The following TPR variants were observed in gnomAD, a reference collection of about 807,000 sequenced individuals.
TPR encodes nucleoprotein TPR.
TPR carries 51 observed loss-of-function variants against 316.1 expected under a neutral mutation model. The observed-to-expected ratio is 0.16, with a 90% CI of 0.13 to 0.20. The LOEUF (loss-of-function observed/expected upper bound fraction) is 0.20, where lower values mean the gene tolerates loss of function less well. Ranked by LOEUF, TPR falls within the 10% of genes least tolerant of loss-of-function variation. The pLI is 1.00. For missense variants in TPR, 2,272 were observed against 2,754.8 expected, an observed-to-expected ratio of 0.82 and a Z score of 3.92; for synonymous variants, 981 against 914.7, an observed-to-expected ratio of 1.07 and a Z score of -1.31.
At chr1:186,350,938 T>C (rs1553230833) in intron 20 of TPR, among the ~76,000 whole-genome samples, 1 of 152,048 alleles carries the variant, frequency 6.6e-6, no homozygotes, top group Non-Finnish European at 1.5e-5. Flanking sequence ...GCAGCCAGAC[T>C]AAAAAAACCC....
chr1:186,336,377 C>A (rs1472847130), intron 33 of TPR, 119 bp downstream of exon 33: 5 of 885,798 alleles, frequency 5.6e-6, no homozygotes, highest in Non-Finnish European at 8.8e-6. Context: ...TTAAAGCACA[C>A]ATACACACAC....
intron 23 of TPR, 115 bp downstream of exon 23, chr1:186,346,020 C>A: frequency 1.6e-6 from 2 of 1,213,480 alleles, no homozygotes; most frequent in African/African-American, 1.5e-5. Flanking sequence ...TAAAATTTTG[C>A]CTATGTGTTC....
chr1:186,349,077 T>C (rs1038004125), intron 21 of TPR, among the ~76,000 whole-genome samples: 2 of 152,202 alleles, frequency 1.3e-5, no homozygotes, highest in African/African-American at 4.8e-5. Context: ...TGAAAATGCA[T>C]TTAATATACC....
At chr1:186,365,176 A>G (rs2101988172) in intron 4 of TPR, among the ~76,000 whole-genome samples, 1 of 147,404 alleles carries the variant, frequency 6.8e-6, no homozygotes, top group African/African-American at 2.5e-5. Context: ...GCTCACTGCA[A>G]CCTCTGCCTC....
chr1:186,369,584 T>A (rs1441334629), intron 3 of TPR, among the ~76,000 whole-genome samples: 1 of 152,206 alleles, frequency 6.6e-6, no homozygotes, highest in Admixed American at 6.5e-5. Flanking sequence ...TTTTTTAATA[T>A]TGATTTTGTA....
At position 186,363,266 on chromosome 1, in the gene TPR, CTA is replaced by C. The variant is rs1659247527; in HGVS notation, c.531+74_531+75del. Reference sequence around the variant, plus strand: ...ATGCAGCTTTTAATTACTTTATTGCCTATATTTGAAATTTAATTTAGGTGAGT... The same window carrying C: ...ATGCAGCTTTTAATTACTTTATTGCCTATTTGAAATTTAATTTAGGTGAGT... On this transcript the variant is annotated intron_variant, in intron 5 of 50. Transcript: ENST00000367478. 2.4e-6 allele frequency: 3 copies of C among 1,247,360 alleles called. No homozygotes were observed. The African/African-American group carries it at 4.6e-5, about 19-fold the overall frequency. 77.3% of individuals were successfully genotyped at this position (1,247,360 alleles called of 1,614,324 possible).
intron 4 of TPR, 61 bp from the exon 5 acceptor site, chr1:186,363,506 C>A: frequency 8.9e-7 from 1 of 1,119,326 alleles, no homozygotes; most frequent in South Asian, 1.3e-5. Context: ...AACCAAATAT[C>A]AAAAATATAT....
At chr1:186,374,722 C>T (rs1208450274) in intron 1 of TPR, among the ~76,000 whole-genome samples, 156 bp downstream of exon 1, 1 of 152,100 alleles carries the variant, frequency 6.6e-6, no homozygotes, top group Non-Finnish European at 1.5e-5. Context: ...TCTTATCAAA[C>T]TGTAAGGAGC....
rs1658306760 is a variant in TPR at position 186,335,320 on chromosome 1, G to A, written c.4911+18C>T. 2 of 1,609,248 alleles carry A rather than the reference G, an allele frequency of 1.2e-6. No homozygotes were observed. Among genetic ancestry groups the A allele is most frequent in the Middle Eastern group, 1.7e-4 (1 of 6,020 alleles). ...CAAAGAAAAACAATTTGTTACTTAA[G>A]CAGAATTAGCTAATCACCTTATTAG... On this transcript the variant is annotated intron_variant, in intron 34 of 50. Coordinates refer to ENST00000367478, the MANE Select transcript of TPR (RefSeq NM_003292.3).
intron 4 of TPR, among the ~76,000 whole-genome samples, chr1:186,365,007 A>G (rs1659298470): frequency 6.6e-6 from 1 of 152,040 alleles, no homozygotes; most frequent in Non-Finnish European, 1.5e-5. Flanking sequence ...ACACAAGAAG[A>G]AGACCTGGAC....
intron 10 of TPR, 145 bp downstream of exon 10, chr1:186,360,620 A>C (rs543597582): frequency 8.7e-7 from 1 of 1,144,768 alleles, no homozygotes; most frequent in Admixed American, 2.9e-5. Context: ...AAGAGTATTA[A>C]TTTTAAAACA....
At chr1:186,372,512 A>T (rs986592640) in intron 2 of TPR, among the ~76,000 whole-genome samples, 1 of 152,178 alleles carries the variant, frequency 6.6e-6, no homozygotes, top group African/African-American at 2.4e-5. Context: ...ACTGCATTCC[A>T]GCCTGGGCAA....
rs1432600837 is a variant in TPR, at chr1:186,361,887, A to G, written c.790-18T>C. The G allele has an allele frequency of 6.2e-7, 1 of 1,609,884 alleles. No individual in the cohort carries two copies. The highest frequency in any genetic ancestry group is 8.5e-7 in the Non-Finnish European group (1 of 1,177,718). On this transcript the variant is annotated intron_variant, in intron 7 of 50. Coordinates refer to ENST00000367478, the MANE Select transcript of TPR (RefSeq NM_003292.3). ...TCCTTGGCCTGAAAAAAATAGCCCA[A>G]TTATAGCAGTCTACTTTGAACTAAA... is the stretch of plus-strand genomic sequence containing the variant.
chr1:186,370,605 T>C (rs1659492248), intron 3 of TPR, among the ~76,000 whole-genome samples: 1 of 151,774 alleles, frequency 6.6e-6, no homozygotes. Context: ...GCAACCACTT[T>C]AATTAACAAA....
chr1:186,343,785 C>A, intron 26 of TPR, 121 bp downstream of exon 26: 1 of 995,578 alleles, frequency 1.0e-6, no homozygotes, highest in Middle Eastern at 3.0e-4. Context: ...AGTTCTTTGA[C>A]AAATAAAAGA....
intron 13 of TPR, 50 bp downstream of exon 13, chr1:186,358,493 C>A (rs1659090988): frequency 5.0e-6 from 7 of 1,401,010 alleles, no homozygotes; most frequent in Non-Finnish European, 7.0e-6. Context: ...TCAAAGATTA[C>A]TGGGCAGTCA....
chr1:186,355,798 T>C, intron 15 of TPR, 30 bp from the exon 16 acceptor site: 1 of 1,606,834 alleles, frequency 6.2e-7, no homozygotes, highest in Non-Finnish European at 8.5e-7. Context: ...AATAAAATGC[T>C]TTGTTGGCTT....
intron 31 of TPR, among the ~76,000 whole-genome samples, chr1:186,337,672 A>G: frequency 6.6e-6 from 1 of 152,074 alleles, no homozygotes; most frequent in Non-Finnish European, 1.5e-5. Context: ...TAAATATAAC[A>G]AAGATTTCTG....
chr1:186,360,026 C>T (rs750940969), intron 11 of TPR, 30 bp from the exon 12 acceptor site: 12 of 1,587,434 alleles, frequency 7.6e-6, no homozygotes, highest in Non-Finnish European at 1.0e-5. Context: ...TGTTTCAAAT[C>T]TAACCATAAC....
Sources: allele counts gnomAD v4.1 joint callset (sites outside exome capture counted in the v4.1 genomes callset), GRCh38; gene constraint gnomAD v4.1.1; transcripts MANE v1.5; gene names NCBI Gene and HGNC (gene_info 2026-07-23, HGNC 2026-07-21).